The following CREM variants were observed in gnomAD, a reference collection of about 807,000 sequenced individuals.
CREM encodes cAMP-responsive element modulator.
In CREM, 13 loss-of-function variants were observed where a neutral mutation model predicts 37.3. That is an observed-to-expected ratio of 0.35 (90% CI 0.23 to 0.55). CREM has a LOEUF of 0.55. Among genes scored for constraint, CREM ranks in the 20% least tolerant of loss-of-function variants. CREM has a pLI of 0.88. For missense variants in CREM, 296 were observed against 362.3 expected, an observed-to-expected ratio of 0.82 and a Z score of 1.49; for synonymous variants, 124 against 120.2, an observed-to-expected ratio of 1.03 and a Z score of -0.21.
chr10:35,162,938 C>A (rs1349495132), intron 3 of CREM, among the ~76,000 whole-genome samples: 1 of 152,054 alleles, frequency 6.6e-6, no homozygotes, highest in East Asian at 1.9e-4. Context: ...GGGAGAGGAG[C>A]AGTGGCTCAT....
At chr10:35,127,534 C>A (rs1182282205) in intron 1 of CREM, 1 of 152,344 alleles carries the variant, frequency 6.6e-6, no homozygotes, top group African/African-American at 2.4e-5. Context: ...CTCAGGGGAG[C>A]GGTTTAACTC....
intron 6 of CREM, among the ~76,000 whole-genome samples, chr10:35,194,973 CAA>C (rs754688497): frequency 7.3e-4 from 111 of 152,054 alleles, no homozygotes; most frequent in Non-Finnish European, 1.4e-3. Flanking sequence ...AAATGAGAAA[CAA>C]GAGCATTAAG....
intron 3 of CREM, among the ~76,000 whole-genome samples, chr10:35,152,101 G>A (rs972246076): frequency 6.6e-6 from 1 of 152,118 alleles, no homozygotes; most frequent in African/African-American, 2.4e-5. Flanking sequence ...ATATGTTTTA[G>A]ATTTAAACTT....
intron 2 of CREM, among the ~76,000 whole-genome samples, chr10:35,142,013 G>T (rs2091498673): frequency 6.6e-6 from 1 of 152,184 alleles, no homozygotes; most frequent in African/African-American, 2.4e-5. Context: ...TAGTGACAGA[G>T]ATTAGTTACC....
At chr10:35,145,774 C>T (rs2092018086) in intron 2 of CREM, among the ~76,000 whole-genome samples, 1 of 43,770 alleles carries the variant, frequency 2.3e-5, no homozygotes, top group Non-Finnish European at 4.6e-5. Flanking sequence ...GAGACTCTGC[C>T]TCAAAAAAAA....
chr10:35,155,017 A>C (rs1468034968), intron 3 of CREM, among the ~76,000 whole-genome samples: 1 of 152,176 alleles, frequency 6.6e-6, no homozygotes, highest in Non-Finnish European at 1.5e-5. Flanking sequence ...TAGTGTATTA[A>C]AGGTGACAGT....
chr10:35,211,163 C>A, intron 7 of CREM, 91 bp from the exon 8 acceptor site: 1 of 1,404,212 alleles, frequency 7.1e-7, no homozygotes, highest in Non-Finnish European at 9.8e-7. Flanking sequence ...GATCGATTGG[C>A]TGTTGAGTTC....
chr10:35,206,873 A>C, intron 6 of CREM, 22 bp from the exon 7 acceptor site: 1 of 1,612,058 alleles, frequency 6.2e-7, no homozygotes, highest in Non-Finnish European at 8.5e-7. Flanking sequence ...ATATAAGCTC[A>C]AAATATTTTG....
chr10:35,158,057 A>G (rs2093026870), intron 3 of CREM, among the ~76,000 whole-genome samples: 1 of 152,198 alleles, frequency 6.6e-6, no homozygotes, highest in Non-Finnish European at 1.5e-5. Flanking sequence ...ATTGAAAACT[A>G]TAAAAAACAT....
At chr10:35,191,086 T>TTTTATTTGTTTATTTATTTATTTATTTA (rs2094896948) in intron 6 of CREM, among the ~76,000 whole-genome samples, 1 of 147,992 alleles carries the variant, frequency 6.8e-6, no homozygotes, top group Admixed American at 6.7e-5. Context: ...ACATTTTTCT[T>TTTTATTTGTTTATTTATTTATTTATTTA]TTTATTTATT....
intron 6 of CREM, among the ~76,000 whole-genome samples, 164 bp from the exon 7 acceptor site, chr10:35,206,731 T>A (rs2095534280): frequency 6.6e-6 from 1 of 152,214 alleles, no homozygotes. Flanking sequence ...CTGAAGAAGA[T>A]CTTTAATACT....
At chr10:35,141,995 G>A (rs776473190) in intron 2 of CREM, among the ~76,000 whole-genome samples, 30 of 152,204 alleles carry the variant, frequency 2.0e-4, no homozygotes, top group Non-Finnish European at 4.1e-4. Flanking sequence ...TAAAATGTAC[G>A]TTGGATTTAG....
chr10:35,138,542 T>G (rs1003712422), intron 2 of CREM, among the ~76,000 whole-genome samples: 25 of 150,996 alleles, frequency 1.7e-4, no homozygotes, highest in Non-Finnish European at 2.7e-4. Flanking sequence ...TTTTTTTTTT[T>G]TTTGGAGACA....
At chr10:35,207,997 CAAA>C (rs1184188524) in intron 7 of CREM, among the ~76,000 whole-genome samples, 1 of 152,078 alleles carries the variant, frequency 6.6e-6, no homozygotes, top group Non-Finnish European at 1.5e-5. Context: ...TTGTTAGAAA[CAAA>C]GAGCTATTTT....
chr10:35,145,869 A>G (rs1465582431), intron 2 of CREM, among the ~76,000 whole-genome samples: 1 of 151,954 alleles, frequency 6.6e-6, no homozygotes, highest in Non-Finnish European at 1.5e-5. Flanking sequence ...AAATTTTAGT[A>G]CATATTGGAA....
intron 3 of CREM, among the ~76,000 whole-genome samples, chr10:35,149,199 C>T (rs1283075359): frequency 1.3e-5 from 2 of 152,092 alleles, no homozygotes; most frequent in Non-Finnish European, 2.9e-5. Context: ...AGCCAGCTGA[C>T]TAGGAGTGCT....
chr10:35,168,162 G>C (rs1001762680), intron 3 of CREM, among the ~76,000 whole-genome samples: 13 of 152,166 alleles, frequency 8.5e-5, no homozygotes, highest in Non-Finnish European at 1.2e-4. Flanking sequence ...CTAGATCCTT[G>C]AGGAATCGCC....
intron 2 of CREM, among the ~76,000 whole-genome samples, chr10:35,145,988 T>C (rs1361205165): frequency 6.6e-6 from 1 of 152,202 alleles, no homozygotes; most frequent in African/African-American, 2.4e-5. Flanking sequence ...TTAATTCTGA[T>C]GCGAGTTGTC....
intron 3 of CREM, among the ~76,000 whole-genome samples, chr10:35,166,399 A>G (rs2093557262): frequency 6.6e-6 from 1 of 151,986 alleles, no homozygotes; most frequent in Admixed American, 6.6e-5. Flanking sequence ...CGTCTCTACT[A>G]AAATTACAAA....
Sources: allele counts gnomAD v4.1 joint callset (sites outside exome capture counted in the v4.1 genomes callset), GRCh38; gene constraint gnomAD v4.1.1; transcripts MANE v1.5; gene names NCBI Gene and HGNC (gene_info 2026-07-23, HGNC 2026-07-21).